The following SH3GL2 variants were observed in gnomAD, a reference collection of about 807,000 sequenced individuals.
The protein encoded by SH3GL2 is SH3 domain containing GRB2 like 2, endophilin A1.
SH3GL2 carries 24 observed loss-of-function variants against 46.0 expected under a neutral mutation model. The observed-to-expected ratio is 0.52, with a 90% confidence interval of 0.38 to 0.73. The LOEUF is 0.73. SH3GL2 is among the 30% of genes least tolerant of loss of function. The pLI is 0.00. For synonymous variants in SH3GL2, 196 were observed against 147.1 expected (o/e 1.33, Z -2.40); for missense variants, 413 against 424.2 (o/e 0.97, Z 0.23).
chr9:17,628,694 A>T (rs998168938), intron 1 of SH3GL2, among the ~76,000 whole-genome samples: 1 of 151,936 alleles, frequency 6.6e-6, no homozygotes, highest in Non-Finnish European at 1.5e-5. Context: ...CTTTAATTTC[A>T]ACCAAAAAGT....
At chr9:17,625,807 C>G (rs539119513) in intron 1 of SH3GL2, among the ~76,000 whole-genome samples, 2 of 152,168 alleles carry the variant, frequency 1.3e-5, no homozygotes, top group Non-Finnish European at 2.9e-5. Flanking sequence ...TCTGAAGCTT[C>G]ACATACTGGG....
Position 17,796,929 on chromosome 9 carries a change from C to G in SH3GL2, c.*1186C>G, listed in dbSNP as rs909480532. On this transcript the variant is annotated 3_prime_UTR_variant, in exon 9 of 9. Coordinates refer to ENST00000380607, the MANE Select transcript of SH3GL2 (RefSeq NM_003026.5). ...AGTGTGTTTTTTTATTTGTATCAGT[C>G]ATGAAAGTCCTGTTAGGTATGCAGA... The G allele has an allele frequency of 2.0e-5, 3 of 152,584 alleles. No individual in the cohort carries two copies. The highest frequency in any genetic ancestry group is 7.2e-5 in the African/African-American group (3 of 41,412). 9.5% of individuals were successfully genotyped at this position (152,584 alleles called of 1,614,324 possible).
At chr9:17,789,272 T>C (rs1165031456) in intron 5 of SH3GL2, 120 bp from the exon 6 acceptor site, 4 of 742,950 alleles carry the variant, frequency 5.4e-6, no homozygotes, top group African/African-American at 5.3e-5. Flanking sequence ...CTGGTGGCGT[T>C]GTATTTTAAA....
intron 1 of SH3GL2, among the ~76,000 whole-genome samples, chr9:17,621,076 T>C (rs1184050284): frequency 6.6e-6 from 1 of 152,190 alleles, no homozygotes; most frequent in Non-Finnish European, 1.5e-5. Flanking sequence ...ATGAAAAACA[T>C]GTAAAATTTG....
rs183567052 is a variant in SH3GL2 at position 17,626,175 on chromosome 9, G to A, written c.45+46888G>A. On this transcript the variant is annotated intron_variant, in intron 1 of 8. Transcript: ENST00000380607. ...AGCCCATGTTTGTGCCTCGGCAGGT[G>A]TGGGTCTGGGACGGGTCTGACCTCC... is the stretch of plus-strand genomic sequence containing the variant. 4.1e-4 allele frequency among the ~76,000 whole-genome samples: 63 copies of A among 152,330 alleles called. No individual in the cohort carries two copies. The East Asian group carries it at 0.011, about 26-fold the overall frequency.
At chr9:17,782,905 A>C (rs1487439301) in intron 3 of SH3GL2, among the ~76,000 whole-genome samples, 3 of 152,090 alleles carry the variant, frequency 2.0e-5, no homozygotes, top group Non-Finnish European at 4.4e-5. Flanking sequence ...TGCTGCTTCA[A>C]CTTCACCTCC....
At chr9:17,649,357 A>G (rs1239482397) in intron 1 of SH3GL2, among the ~76,000 whole-genome samples, 2 of 152,172 alleles carry the variant, frequency 1.3e-5, no homozygotes, top group African/African-American at 4.8e-5. Context: ...GTGAGCCACC[A>G]TACCTGCCCT....
At chr9:17,679,724 C>T (rs865970643) in intron 1 of SH3GL2, among the ~76,000 whole-genome samples, 9 of 152,324 alleles carry the variant, frequency 5.9e-5, no homozygotes, top group South Asian at 2.1e-4. Context: ...AAAGGGAATG[C>T]TTCCAGGTTT....
chr9:17,608,866 C>G (rs775767137), intron 1 of SH3GL2, among the ~76,000 whole-genome samples: 13 of 152,166 alleles, frequency 8.5e-5, no homozygotes, highest in Non-Finnish European at 1.8e-4. Flanking sequence ...TGAATGTAGA[C>G]AGAAAATTCA....
chr9:17,731,090 T>C lies in SH3GL2; in HGVS notation c.46-15976T>C, dbSNP rs889277701. ...CTGCAGATGAAAGCAAAACGTTGTA[T>C]AGTCCTTGTGGCAGGAATGATACCT... On this transcript the variant is annotated intron_variant, in intron 1 of 8. Coordinates refer to ENST00000380607, the MANE Select transcript of SH3GL2 (RefSeq NM_003026.5). 2.6e-5 allele frequency among the ~76,000 whole-genome samples: 4 copies of C among 152,256 alleles called. 1 individual carries two copies. Among genetic ancestry groups the C allele is most frequent in the Admixed American group, 6.5e-5 (1 of 15,272 alleles).
intron 2 of SH3GL2, among the ~76,000 whole-genome samples, chr9:17,747,413 A>G (rs1822722052): frequency 6.6e-6 from 1 of 152,156 alleles, no homozygotes; most frequent in Non-Finnish European, 1.5e-5. Flanking sequence ...AAATAAGGAC[A>G]GTGTTGAGCT....
At chr9:17,740,043 A>G (rs2118487378) in intron 1 of SH3GL2, among the ~76,000 whole-genome samples, 1 of 152,268 alleles carries the variant, frequency 6.6e-6, no homozygotes, top group African/African-American at 2.4e-5. Context: ...AAAGAAAATC[A>G]GTGTTCATCC....
chr9:17,672,792 G>A (rs1372257043), intron 1 of SH3GL2, among the ~76,000 whole-genome samples: 1 of 152,016 alleles, frequency 6.6e-6, no homozygotes, highest in Non-Finnish European at 1.5e-5. Context: ...GCTTTCCATG[G>A]GTGATTTCAT....
chr9:17,624,499 G>C (rs574944269), intron 1 of SH3GL2, among the ~76,000 whole-genome samples: 3 of 146,286 alleles, frequency 2.1e-5, no homozygotes, highest in Admixed American at 1.4e-4. Flanking sequence ...TTGACATTCT[G>C]CTCTAAGCAA....
chr9:17,789,326 A>G (rs1251263345), intron 5 of SH3GL2, 66 bp from the exon 6 acceptor site: 3 of 1,300,946 alleles, frequency 2.3e-6, no homozygotes, highest in Admixed American at 3.8e-5. Flanking sequence ...GTGATGGAGA[A>G]GTGAGCTCAA....
intron 1 of SH3GL2, among the ~76,000 whole-genome samples, chr9:17,618,391 A>T (rs1392035327): frequency 6.6e-6 from 1 of 152,170 alleles, no homozygotes; most frequent in Non-Finnish European, 1.5e-5. Context: ...TCATACATGG[A>T]GAGGAGCATA....
intron 1 of SH3GL2, chr9:17,590,368 TG>T (rs1818457988): frequency 6.6e-6 from 1 of 152,224 alleles, no homozygotes; most frequent in African/African-American, 2.4e-5. Flanking sequence ...AAGAGTTTAC[TG>T]ATTAATATTA....
chr9:17,768,420 G>C (rs1469257113), intron 3 of SH3GL2, among the ~76,000 whole-genome samples: 4 of 147,082 alleles, frequency 2.7e-5, no homozygotes, highest in Non-Finnish European at 6.0e-5. Flanking sequence ...AACAAATATA[G>C]TATACATTTA....
intron 1 of SH3GL2, among the ~76,000 whole-genome samples, chr9:17,698,169 G>A (rs753354978): frequency 1.3e-5 from 2 of 152,202 alleles, no homozygotes; most frequent in Non-Finnish European, 2.9e-5. Context: ...AGACTTTGCA[G>A]TCCTGGCTTC....
Sources: gnomAD v4.1 joint callset for allele counts (sites outside exome capture counted in the v4.1 genomes callset) on GRCh38, gnomAD v4.1.1 for gene constraint, MANE v1.5 for transcripts, NCBI Gene and HGNC (gene_info 2026-07-23, HGNC 2026-07-21) for gene names.